RNF43: variants seen among roughly 807,000 people sequenced by gnomAD.
RNF43 encodes ring finger protein 43.
RNF43 carries 37 observed loss-of-function variants against 78.4 expected under a neutral mutation model. That is an observed-to-expected ratio of 0.47 (90% CI 0.36 to 0.62). RNF43 has a LOEUF of 0.62. Among genes scored for constraint, RNF43 ranks in the 20% least tolerant of loss-of-function variants. RNF43 has a pLI of 0.00. For missense variants in RNF43, 774 were observed against 1,007.9 expected, an observed-to-expected ratio of 0.77 and a Z score of 3.14; for synonymous variants, 347 against 395.0, an observed-to-expected ratio of 0.88 and a Z score of 1.44.
intron 2 of RNF43, among the ~76,000 whole-genome samples, chr17:58,400,272 C>T (rs536953832): frequency 2.1e-4 from 32 of 152,302 alleles, no homozygotes; most frequent in African/African-American, 7.7e-4. Flanking sequence ...TTAATCAGCA[C>T]CCTTAACCCA....
At position 58,370,945 on chromosome 17, in the gene RNF43, C is replaced by T. The variant is rs1320785693; in HGVS notation, c.341G>A (p.Arg114Gln). 7.5e-6 allele frequency: 12 copies of T among 1,608,692 alleles called. No homozygotes were observed. Among genetic ancestry groups the T allele is most frequent in the African/African-American group, 6.7e-5 (5 of 74,826 alleles). ...ISIVKLESPR[R>Q]APRPCLSLAS... ...CAGTGACAGGCAGGGGCGGGGGGCC[C>T]GTCGAGGACTCTCCAGCTTGACGAT... The change falls in exon 3 of 10, where the codon CGG becomes CAG. Residue 114 changes from arginine (R) to glutamine (Q), a missense_variant. Transcript: ENST00000407977.
chr17:58,365,347 C>T (rs1178997047), intron 3 of RNF43, among the ~76,000 whole-genome samples: 1 of 152,144 alleles, frequency 6.6e-6, no homozygotes, highest in Non-Finnish European at 1.5e-5. Context: ...ACTCCCAGGC[C>T]TCAGTTTTCA....
chr17:58,383,143 G>T (rs1214460887), intron 2 of RNF43, among the ~76,000 whole-genome samples: 1 of 152,200 alleles, frequency 6.6e-6, no homozygotes, highest in African/African-American at 2.4e-5. Context: ...TTCTGGGAAA[G>T]CTTAGAATCA....
chr17:58,401,952 C>T (rs908036620), intron 2 of RNF43, among the ~76,000 whole-genome samples: 1 of 152,190 alleles, frequency 6.6e-6, no homozygotes, highest in African/African-American at 2.4e-5. Context: ...ACCTTCCTAA[C>T]ACAAACTAGC....
chr17:58,371,697 A>G (rs1232059858), intron 2 of RNF43, among the ~76,000 whole-genome samples: 1 of 152,240 alleles, frequency 6.6e-6, no homozygotes, highest in Non-Finnish European at 1.5e-5. Flanking sequence ...TGGCTAAGAC[A>G]TAAGCTTTGA....
At chr17:58,406,865 T>A (rs1418805882) in intron 2 of RNF43, among the ~76,000 whole-genome samples, 1 of 151,802 alleles carries the variant, frequency 6.6e-6, no homozygotes, top group Non-Finnish European at 1.5e-5. Flanking sequence ...ATGTCATATA[T>A]TTATATATGT....
At chr17:58,387,045 C>T (rs1448860954) in intron 2 of RNF43, among the ~76,000 whole-genome samples, 1 of 152,154 alleles carries the variant, frequency 6.6e-6, no homozygotes, top group Non-Finnish European at 1.5e-5. Flanking sequence ...TAAATGTGTG[C>T]TAAATTAATG....
At chr17:58,416,048 G>A in intron 1 of RNF43, 86 bp from the exon 2 acceptor site, 1 of 188,764 alleles carries the variant, frequency 5.3e-6, no homozygotes. Flanking sequence ...CTCCAGCTCA[G>A]AAAAGGAAGG....
intron 2 of RNF43, among the ~76,000 whole-genome samples, chr17:58,373,766 T>A (rs1041537705): frequency 6.6e-6 from 1 of 152,210 alleles, no homozygotes; most frequent in African/African-American, 2.4e-5. Flanking sequence ...CCTTATTCAT[T>A]CATTTTAACT....
At chr17:58,389,711 T>A (rs1328558022) in intron 2 of RNF43, among the ~76,000 whole-genome samples, 3 of 152,222 alleles carry the variant, frequency 2.0e-5, no homozygotes, top group Admixed American at 6.5e-5. Context: ...GGGCATTGAA[T>A]TGAGTGGATC....
intron 2 of RNF43, among the ~76,000 whole-genome samples, chr17:58,382,608 C>T (rs1255641791): frequency 6.6e-6 from 1 of 152,214 alleles, no homozygotes; most frequent in Non-Finnish European, 1.5e-5. Context: ...TTTAATAACC[C>T]ATCCCGTTAT....
intron 2 of RNF43, among the ~76,000 whole-genome samples, chr17:58,405,700 C>CAGAAAGAAAGAAAGAAAGAA (rs199880674): frequency 5.4e-4 from 59 of 110,262 alleles, no homozygotes; most frequent in Non-Finnish European, 7.5e-4. Flanking sequence ...TCTCTAATGA[C>CAGAAAGAAAGAAAGAAAGAA]AGAAAGAAAG....
rs1252683339 is a variant in RNF43, at chr17:58,377,063, AT to A, written c.253-6031del. On this transcript the variant is annotated intron_variant, in intron 2 of 9. Transcript: ENST00000407977. ...TGTCCTCCTTAACTTATTTGTTCTG[AT>A]TTTTTCCCCTCCCTCCCAAGACAGA... 7.9e-5 allele frequency among the ~76,000 whole-genome samples: 12 copies of A among 151,374 alleles called. No homozygotes were observed. The East Asian group carries it at 2.3e-3, about 29-fold the overall frequency.
chr17:58,383,499 C>T (rs1973365417), intron 2 of RNF43, among the ~76,000 whole-genome samples: 1 of 152,098 alleles, frequency 6.6e-6, no homozygotes, highest in African/African-American at 2.4e-5. Context: ...GACAGGGTCT[C>T]CCTGTGTTGC....
intron 2 of RNF43, among the ~76,000 whole-genome samples, chr17:58,374,209 G>A (rs1351862401): frequency 2.0e-5 from 3 of 151,768 alleles, no homozygotes; most frequent in Admixed American, 6.6e-5. Flanking sequence ...AAGGAAAGTA[G>A]TAGTAGGATA....
chr17:58,359,739 C>A (rs572641416), intron 8 of RNF43, among the ~76,000 whole-genome samples: 2 of 151,608 alleles, frequency 1.3e-5, no homozygotes, highest in African/African-American at 4.8e-5. Flanking sequence ...CCAGCCTGAC[C>A]AACATGGAGA....
chr17:58,385,367 C>T (rs1973409607), intron 2 of RNF43, among the ~76,000 whole-genome samples: 1 of 152,126 alleles, frequency 6.6e-6, no homozygotes, highest in African/African-American at 2.4e-5. Context: ...TCATATTCTC[C>T]CTGCACTCCA....
chr17:58,386,772 C>T (rs1973446574), intron 2 of RNF43, among the ~76,000 whole-genome samples: 1 of 152,100 alleles, frequency 6.6e-6, no homozygotes, highest in Admixed American at 6.5e-5. Flanking sequence ...CCCCAAATAT[C>T]TCGTTTGTAT....
Position 58,360,303 on chromosome 17 carries a change from G to T in RNF43, c.850-52C>A, listed in dbSNP as rs1352416009. ...AAAGGCTTCTGTAGCCATAGGAATT[G>T]CCAGGAATCAGGACATCCCCCAACT... On this transcript the variant is annotated intron_variant, in intron 7 of 9. Transcript: ENST00000407977. The surrounding 1 kb of genome is among the most constrained non-coding windows in gnomAD (Gnocchi z 4.3). 7.0e-7 allele frequency: 1 copy of T among 1,422,170 alleles called. No homozygotes were observed. The highest frequency in any genetic ancestry group is 1.7e-5 in the Admixed American group (1 of 59,238). The allele number at this position is 1,422,170 out of a possible 1,614,324, so 88.1% of individuals were successfully genotyped here.
Sources: allele counts gnomAD v4.1 joint callset (sites outside exome capture counted in the v4.1 genomes callset), GRCh38; gene constraint gnomAD v4.1.1; non-coding constraint Gnocchi (gnomAD v3.1); transcripts MANE v1.5; gene names NCBI Gene and HGNC (gene_info 2026-07-23, HGNC 2026-07-21).